Variants in ZFHX3 observed in about 807,000 individuals in gnomAD.
ZFHX3 encodes zinc finger homeobox 3, also known as zinc finger homeobox protein 3.
A neutral mutation model predicts 279.1 loss-of-function variants in ZFHX3; 42 were observed. The observed-to-expected ratio is 0.15, with a 90% confidence interval of 0.12 to 0.19. ZFHX3 has a LOEUF of 0.19. Among genes scored for constraint, ZFHX3 ranks in the 10% least tolerant of loss-of-function variants. ZFHX3 has a pLI of 1.00. For synonymous variants in ZFHX3, 2,293 were observed against 1,957.8 expected (o/e 1.17, Z -4.52); for missense variants, 4,981 against 4,754.0 (o/e 1.05, Z -1.40).
chr16:72,855,922 A>G (rs1161152081), intron 4 of ZFHX3, among the ~76,000 whole-genome samples: 4 of 152,252 alleles, frequency 2.6e-5, no homozygotes, highest in Non-Finnish European at 5.9e-5. Context: ...TGGGAACTTA[A>G]ATGTCGATTT....
chr16:73,033,251 G>A (rs1349705796), intron 1 of ZFHX3, among the ~76,000 whole-genome samples: 4 of 152,160 alleles, frequency 2.6e-5, no homozygotes, highest in African/African-American at 9.7e-5. Context: ...GGACAGAAGA[G>A]GAACGGCCTT....
intron 3 of ZFHX3, among the ~76,000 whole-genome samples, chr16:73,336,263 G>C (rs1166841904): frequency 1.3e-5 from 2 of 152,168 alleles, no homozygotes; most frequent in African/African-American, 4.8e-5. Context: ...TTTAGTTTCA[G>C]GGGTACATGT....
intron 4 of ZFHX3, among the ~76,000 whole-genome samples, chr16:72,831,861 TC>T: frequency 6.6e-6 from 1 of 152,312 alleles, no homozygotes; most frequent in African/African-American, 2.4e-5. Flanking sequence ...TGCCTATTGT[TC>T]CATTATTGGA....
intron 2 of ZFHX3, among the ~76,000 whole-genome samples, chr16:73,509,255 C>A (rs537024603): frequency 6.6e-6 from 1 of 152,256 alleles, no homozygotes; most frequent in African/African-American, 2.4e-5. Flanking sequence ...GCCATTAAAA[C>A]CCAGATCCCT....
intron 5 of ZFHX3, among the ~76,000 whole-genome samples, chr16:73,198,341 CTTT>C (rs79436905): frequency 3.7e-4 from 48 of 130,198 alleles, no homozygotes; most frequent in African/African-American, 1.2e-3. Flanking sequence ...ATGCTGGTAT[CTTT>C]TTTTTTTTTT....
intron 1 of ZFHX3, among the ~76,000 whole-genome samples, chr16:73,020,759 G>A (rs1192680886): frequency 6.6e-6 from 1 of 152,156 alleles, no homozygotes; most frequent in African/African-American, 2.4e-5. Flanking sequence ...AGGGAGGCAC[G>A]GGCATGGTTG....
chr16:72,916,393 A>G (rs1423351214), intron 3 of ZFHX3, among the ~76,000 whole-genome samples: 1 of 152,238 alleles, frequency 6.6e-6, no homozygotes, highest in Non-Finnish European at 1.5e-5. Flanking sequence ...ATGATAAATC[A>G]AAGTCAACAT....
At chr16:73,739,604 G>T (rs4888688) in intron 1 of ZFHX3, among the ~76,000 whole-genome samples, 33,642 of 152,086 alleles carry the variant, frequency 0.22, 4,606 homozygotes, top group Non-Finnish European at 0.31. Flanking sequence ...GTCAGTGCCA[G>T]GGAATGAAGG....
chr16:73,811,743 G>T (rs1960433260), intron 1 of ZFHX3, among the ~76,000 whole-genome samples: 1 of 151,958 alleles, frequency 6.6e-6, no homozygotes, highest in African/African-American at 2.4e-5. Context: ...CCGCGCCCGG[G>T]CCCCTTCCCT....
chr16:73,235,243 G>A (rs1383994588), intron 5 of ZFHX3, among the ~76,000 whole-genome samples: 1 of 151,940 alleles, frequency 6.6e-6, no homozygotes, highest in Non-Finnish European at 1.5e-5. Context: ...CAAATCTTTT[G>A]TATTTTTAGT....
intron 2 of ZFHX3, among the ~76,000 whole-genome samples, chr16:73,612,941 G>A (rs1275322671): frequency 6.6e-6 from 1 of 151,996 alleles, no homozygotes; most frequent in African/African-American, 2.4e-5. Context: ...AGGAGGAGAT[G>A]AGGGCATATT....
intron 3 of ZFHX3, among the ~76,000 whole-genome samples, chr16:73,370,712 A>G (rs577519349): frequency 6.6e-6 from 1 of 152,222 alleles, no homozygotes; most frequent in Admixed American, 6.5e-5. Flanking sequence ...TGCACAGCTC[A>G]GCATCCTGAT....
At chr16:73,127,302 G>A in intron 7 of ZFHX3, 5 of 1,278,414 alleles carry the variant, frequency 3.9e-6, no homozygotes, top group Non-Finnish European at 5.1e-6. Context: ...GAAGAGGGAA[G>A]AAGGAAACAG....
chr16:73,037,923 C>G (rs926588851), intron 1 of ZFHX3, among the ~76,000 whole-genome samples: 2 of 152,146 alleles, frequency 1.3e-5, no homozygotes, highest in South Asian at 4.1e-4. Context: ...TGCCATAAAT[C>G]GTAACTGGCC....
intron 2 of ZFHX3, among the ~76,000 whole-genome samples, chr16:73,485,422 G>T (rs1442962825): frequency 1.4e-5 from 1 of 71,036 alleles, no homozygotes; most frequent in Non-Finnish European, 2.5e-5. Context: ...GAGGGTGAGG[G>T]AGAAAAAAAA....
At chr16:73,786,175 T>C (rs966707251) in intron 1 of ZFHX3, among the ~76,000 whole-genome samples, 4 of 151,756 alleles carry the variant, frequency 2.6e-5, no homozygotes, top group Non-Finnish European at 5.9e-5. Flanking sequence ...CCAGCCAGAA[T>C]GATTTTTTTT....
At chr16:72,811,366 G>A (rs2036440362) in intron 7 of ZFHX3, among the ~76,000 whole-genome samples, 1 of 152,156 alleles carries the variant, frequency 6.6e-6, no homozygotes, top group Non-Finnish European at 1.5e-5. Context: ...GATAAGGGAG[G>A]TTGAGAAACA....
chr16:73,110,800 G>A (rs1481376706), intron 7 of ZFHX3, among the ~76,000 whole-genome samples: 3 of 152,308 alleles, frequency 2.0e-5, no homozygotes, highest in South Asian at 4.1e-4. Flanking sequence ...CTGGGCTCAC[G>A]TGATCTGCCT....
chr16:73,786,175 T>G (rs966707251), intron 1 of ZFHX3, among the ~76,000 whole-genome samples: 1 of 151,756 alleles, frequency 6.6e-6, no homozygotes, highest in Non-Finnish European at 1.5e-5. Context: ...CCAGCCAGAA[T>G]GATTTTTTTT....
Sources: allele counts gnomAD v4.1 joint callset (sites outside exome capture counted in the v4.1 genomes callset), GRCh38; gene constraint gnomAD v4.1.1; transcripts MANE v1.5; gene names NCBI Gene and HGNC (gene_info 2026-07-23, HGNC 2026-07-21).